Variants in LRRC1 observed in about 807,000 individuals in gnomAD.
The protein encoded by LRRC1 is leucine-rich repeat-containing protein 1.
In LRRC1, 28 loss-of-function variants were observed where a neutral mutation model predicts 69.9. The observed-to-expected ratio is 0.40, with a 90% confidence interval of 0.30 to 0.55. The LOEUF is 0.55. Among genes scored for constraint, LRRC1 ranks in the 20% least tolerant of loss-of-function variants. The pLI, the probability that LRRC1 is intolerant of heterozygous loss-of-function variation, is 0.47. For synonymous variants in LRRC1, 236 were observed against 240.2 expected, an observed-to-expected ratio of 0.98 and a Z score of 0.16; for missense variants, 498 against 609.0, an observed-to-expected ratio of 0.82 and a Z score of 1.92.
At chr6:53,906,866 T>G (rs1210505103) in intron 10 of LRRC1, among the ~76,000 whole-genome samples, 1 of 152,234 alleles carries the variant, frequency 6.6e-6, no homozygotes, top group Non-Finnish European at 1.5e-5. Context: ...TTTTTAGGAG[T>G]TGGATCTTTT....
At chr6:53,810,476 C>T (rs186011050) in intron 1 of LRRC1, among the ~76,000 whole-genome samples, 10 of 152,084 alleles carry the variant, frequency 6.6e-5, no homozygotes, top group African/African-American at 1.2e-4. Flanking sequence ...AAAAATTAGC[C>T]GGGCGTGGTC....
At chr6:53,849,999 G>A (rs560638608) in intron 2 of LRRC1, among the ~76,000 whole-genome samples, 2 of 150,592 alleles carry the variant, frequency 1.3e-5, no homozygotes, top group African/African-American at 2.4e-5. Flanking sequence ...GTTTGAAAAA[G>A]CCTAAAACTC....
intron 1 of LRRC1, among the ~76,000 whole-genome samples, chr6:53,824,705 A>G (rs1765208402): frequency 6.6e-6 from 1 of 152,216 alleles, no homozygotes; most frequent in Non-Finnish European, 1.5e-5. Flanking sequence ...ATTATAGGCC[A>G]AAATGCATAT....
intron 13 of LRRC1, among the ~76,000 whole-genome samples, chr6:53,921,776 G>C (rs569919544): frequency 2.7e-4 from 41 of 152,270 alleles, no homozygotes; most frequent in African/African-American, 9.4e-4. Context: ...TGTTATTCCA[G>C]CTGTCACCAA....
chr6:53,892,000 ATAT>A (rs1228383852), intron 4 of LRRC1, among the ~76,000 whole-genome samples: 1 of 32,604 alleles, frequency 3.1e-5, no homozygotes, highest in South Asian at 8.6e-4. Flanking sequence ...TAAAAAAAAA[ATAT>A]ATATATATAC....
rs186036815 is a variant in LRRC1, at chr6:53,846,653, A to T, written c.277+4426A>T. 8.5e-5 allele frequency among the ~76,000 whole-genome samples: 13 copies of T among 152,342 alleles called. No individual in the cohort carries two copies. In the East Asian group the frequency reaches 1.7e-3, roughly 20 times the overall value. On this transcript the variant is annotated intron_variant, in intron 2 of 13. Coordinates refer to ENST00000370888, the MANE Select transcript of LRRC1 (RefSeq NM_018214.5). ...AAAAAAAAACTAGGTGTTTCCCCTGAACATAGATTAGAGGATGATTGGAGT... is the reference window on the plus strand; with the variant it reads ...AAAAAAAAACTAGGTGTTTCCCCTGTACATAGATTAGAGGATGATTGGAGT...
chr6:53,873,819 C>G (rs998891034), intron 2 of LRRC1, among the ~76,000 whole-genome samples: 2 of 152,126 alleles, frequency 1.3e-5, no homozygotes, highest in Admixed American at 6.5e-5. Context: ...CTTGTCTTGT[C>G]TAGATCTTAC....
chr6:53,833,866 T>C (rs1473062737), intron 1 of LRRC1, among the ~76,000 whole-genome samples: 1 of 152,246 alleles, frequency 6.6e-6, no homozygotes, highest in African/African-American at 2.4e-5. Flanking sequence ...TCACCTGGCC[T>C]ATTAGTACAT....
At chr6:53,836,287 A>G (rs1308071153) in intron 1 of LRRC1, among the ~76,000 whole-genome samples, 1 of 152,238 alleles carries the variant, frequency 6.6e-6, no homozygotes, top group African/African-American at 2.4e-5. Context: ...CGTGAGGAAT[A>G]AAAATCCATG....
chr6:53,812,582 C>G (rs1017171517), intron 1 of LRRC1, among the ~76,000 whole-genome samples: 3 of 147,122 alleles, frequency 2.0e-5, no homozygotes, highest in South Asian at 2.2e-4. Context: ...CCCAGCTACT[C>G]GGGAGGCTGA....
At position 53,920,780 on chromosome 6, in the gene LRRC1, T is replaced by C; in HGVS notation, c.1416+19T>C. 1 of 1,613,812 alleles carries C rather than the reference T, an allele frequency of 6.2e-7. No individual in the cohort carries two copies. The highest frequency in any genetic ancestry group is 8.5e-7 in the Non-Finnish European group (1 of 1,179,680). On this transcript the variant is annotated intron_variant, in intron 13 of 13. Coordinates refer to ENST00000370888, the MANE Select transcript of LRRC1 (RefSeq NM_018214.5). ...TGAGACGGTATGGAAATGCAGATTC[T>C]TTGCCTCTGTGGAAGTTCAAAATTA... is the stretch of plus-strand genomic sequence containing the variant.
At chr6:53,899,702 T>C in intron 7 of LRRC1, 45 bp from the exon 8 acceptor site, 1 of 1,595,254 alleles carries the variant, frequency 6.3e-7, no homozygotes, top group South Asian at 1.1e-5. Flanking sequence ...CTCTGCACTG[T>C]GGCAGGTTTA....
intron 2 of LRRC1, among the ~76,000 whole-genome samples, chr6:53,871,277 T>C (rs1581889046): frequency 1.3e-5 from 2 of 152,248 alleles, no homozygotes; most frequent in South Asian, 4.1e-4. Context: ...GTTCCTTTTC[T>C]CTGCATCCTT....
chr6:53,923,486 G>A lies in LRRC1; in HGVS notation c.*693G>A, dbSNP rs1392036916. ...GAATGTGGTGTTTTAAAGCAGTGTT[G>A]CATTTTAATCAGTAATCTACCTGGT... On this transcript the variant is annotated 3_prime_UTR_variant, in exon 14 of 14. Coordinates refer to ENST00000370888, the MANE Select transcript of LRRC1 (RefSeq NM_018214.5). The A allele has an allele frequency of 6.6e-6, 1 of 152,576 alleles. No homozygotes were observed. Among genetic ancestry groups the A allele is most frequent in the Non-Finnish European group, 1.5e-5 (1 of 68,026 alleles). 9.5% of individuals were successfully genotyped at this position (152,576 alleles called of 1,614,324 possible). A position where few individuals can be genotyped will look rare whatever the true frequency, so the allele number is the denominator to read the frequency against.
chr6:53,872,186 G>A (rs76135965), intron 2 of LRRC1, among the ~76,000 whole-genome samples: 1,713 of 152,098 alleles, frequency 0.011, 23 homozygotes, highest in East Asian at 0.041. Flanking sequence ...TTTTTCCAGC[G>A]CACCTAATGT....
At chr6:53,806,239 T>C (rs1280743121) in intron 1 of LRRC1, among the ~76,000 whole-genome samples, 4 of 152,232 alleles carry the variant, frequency 2.6e-5, no homozygotes, top group African/African-American at 9.6e-5. Flanking sequence ...ATCTTTTCTT[T>C]GCATTCCTGC....
At chr6:53,873,647 A>G (rs187227846) in intron 2 of LRRC1, among the ~76,000 whole-genome samples, 1 of 152,118 alleles carries the variant, frequency 6.6e-6, no homozygotes. Context: ...CTGTAAGTTT[A>G]TTGAGTTTAT....
chr6:53,867,658 T>G (rs1463462750), intron 2 of LRRC1, among the ~76,000 whole-genome samples: 1 of 152,122 alleles, frequency 6.6e-6, no homozygotes, highest in Non-Finnish European at 1.5e-5. Flanking sequence ...ATTTTTATTT[T>G]TATTATTTTT....
chr6:53,891,704 C>T (rs139952798), intron 4 of LRRC1, among the ~76,000 whole-genome samples: 112 of 152,028 alleles, frequency 7.4e-4, no homozygotes, highest in African/African-American at 1.8e-3. Context: ...ATAAATTGGC[C>T]GGGTGTGATG....
Sources: allele counts gnomAD v4.1 joint callset (sites outside exome capture counted in the v4.1 genomes callset), GRCh38; gene constraint gnomAD v4.1.1; transcripts MANE v1.5; gene names NCBI Gene and HGNC (gene_info 2026-07-23, HGNC 2026-07-21).